PTPRN2: variants seen among roughly 807,000 people sequenced by gnomAD.
PTPRN2 encodes receptor-type tyrosine-protein phosphatase N2.
Under a neutral mutation model 118.8 loss-of-function variants are expected in PTPRN2, and 74 were observed. The observed-to-expected ratio is 0.62, with a 90% CI of 0.52 to 0.76. The LOEUF (loss-of-function observed/expected upper bound fraction) is 0.76, where lower values mean the gene tolerates loss of function less well. PTPRN2 is among the 30% of genes least tolerant of loss of function. The pLI, the probability that PTPRN2 is intolerant of heterozygous loss-of-function variation, is 0.00. For synonymous variants in PTPRN2, 641 were observed against 608.0 expected, an observed-to-expected ratio of 1.05 and a Z score of -0.80; for missense variants, 1,481 against 1,394.4, an observed-to-expected ratio of 1.06 and a Z score of -0.99.
intron 11 of PTPRN2, among the ~76,000 whole-genome samples, chr7:157,997,218 G>A (rs73520902): frequency 0.015 from 2,269 of 152,328 alleles, 60 homozygotes; most frequent in African/African-American, 0.051. Context: ...CTGCCTGGCG[G>A]CTCCATTTGC....
chr7:158,355,952 G>A (rs1040287379), intron 2 of PTPRN2, among the ~76,000 whole-genome samples: 32 of 152,156 alleles, frequency 2.1e-4, no homozygotes, highest in African/African-American at 6.0e-4. Flanking sequence ...GTGGTTCCAG[G>A]CGCCACCACC....
intron 6 of PTPRN2, among the ~76,000 whole-genome samples, chr7:158,139,032 C>T (rs1234184161): frequency 6.6e-6 from 1 of 152,104 alleles, no homozygotes; most frequent in Non-Finnish European, 1.5e-5. Flanking sequence ...CATCTAAACA[C>T]AGCCACACAG....
chr7:158,037,739 T>C (rs749386992), intron 11 of PTPRN2, among the ~76,000 whole-genome samples: 2 of 152,192 alleles, frequency 1.3e-5, no homozygotes, highest in Non-Finnish European at 2.9e-5. Flanking sequence ...AAAAACCCAA[T>C]CAGTCTTTTT....
At chr7:158,066,960 A>G (rs566742493) in intron 11 of PTPRN2, among the ~76,000 whole-genome samples, 8 of 152,316 alleles carry the variant, frequency 5.3e-5, no homozygotes, top group African/African-American at 1.9e-4. Flanking sequence ...CAATATCAGC[A>G]AATCCCACAA....
intron 2 of PTPRN2, among the ~76,000 whole-genome samples, chr7:158,473,213 T>C (rs1404535688): frequency 6.6e-6 from 1 of 152,198 alleles, no homozygotes; most frequent in South Asian, 2.1e-4. Context: ...CCTCCAATCC[T>C]GTTAGCAAAT....
intron 18 of PTPRN2, 32 bp from the exon 19 acceptor site, chr7:157,576,811 G>A (rs1255344156): frequency 6.5e-7 from 1 of 1,540,624 alleles, no homozygotes; most frequent in South Asian, 1.2e-5. Flanking sequence ...AGGGGACAGA[G>A]ACAGGTGTGG....
chr7:157,903,248 A>C lies in PTPRN2; in HGVS notation c.1724-4511T>G, dbSNP rs1157561809. ...ACAGCCATAGAGATGGGAACAACAGACACGTAAGAGGGAATGTGAGAGGGA... is the reference window on the plus strand; with the variant it reads ...ACAGCCATAGAGATGGGAACAACAGCCACGTAAGAGGGAATGTGAGAGGGA... On this transcript the variant is annotated intron_variant, in intron 11 of 22. Transcript: ENST00000389418. This position sits in a 1 kb window ranked among gnomAD's most constrained non-coding sequence, Gnocchi z 4.2. Among the ~76,000 whole-genome samples the C allele has an allele frequency of 6.6e-6, 1 of 152,048 alleles. No homozygotes were observed. Among genetic ancestry groups the C allele is most frequent in the Non-Finnish European group, 1.5e-5 (1 of 68,014 alleles).
chr7:158,008,080 T>C (rs1276549242), intron 11 of PTPRN2, among the ~76,000 whole-genome samples: 1 of 142,292 alleles, frequency 7.0e-6, no homozygotes, highest in Non-Finnish European at 1.5e-5. Flanking sequence ...GTGCTGTGTG[T>C]GGGTGTGGGT....
intron 10 of PTPRN2, among the ~76,000 whole-genome samples, chr7:158,089,712 T>A (rs1406796914): frequency 7.1e-5 from 9 of 126,814 alleles, no homozygotes; most frequent in African/African-American, 1.5e-4. Context: ...TTCACACACA[T>A]CCTTCCTCCC....
rs141519128 is a variant in PTPRN2 at position 158,192,390 on chromosome 7, G to A, written c.486C>T (p.Ser162=). 3.3e-6 allele frequency: 5 copies of A among 1,532,418 alleles called. No homozygotes were observed. In the African/African-American group the frequency reaches 5.8e-5, roughly 18 times the overall value. 94.9% of individuals were successfully genotyped at this position (1,532,418 alleles called of 1,614,324 possible). ...CGAGCACGTCTGAGGCTGGGGCCTGGGACAGGGCCTCCAGGAAGGGCAGGT... is the reference window on the plus strand; with the variant it reads ...CGAGCACGTCTGAGGCTGGGGCCTGAGACAGGGCCTCCAGGAAGGGCAGGT... ...RRHLPFLEAL[S]QAPASDVLAR... Residue 162 remains serine (S), a synonymous_variant, in exon 5 of 23, where the codon TCC becomes TCT. Coordinates refer to ENST00000389418, the MANE Select transcript of PTPRN2 (RefSeq NM_002847.5).
chr7:157,794,627 C>T lies in PTPRN2; in HGVS notation c.1788+104046G>A, dbSNP rs1191689686. Among the ~76,000 whole-genome samples the T allele has an allele frequency of 9.2e-5, 14 of 152,270 alleles. No homozygotes were observed. Among genetic ancestry groups the T allele is most frequent in the African/African-American group, 2.6e-4 (11 of 41,540 alleles). On this transcript the variant is annotated intron_variant, in intron 12 of 22. Transcript: ENST00000389418. The surrounding 1 kb of genome is among the most constrained non-coding windows in gnomAD (Gnocchi z 5.2). ...CGCCTCTGTGAACACCCACTAAAAC[C>T]GTAAGTGGGAAAAGTGGGTGCCTTC...
At chr7:157,793,248 G>A (rs1349681018) in intron 12 of PTPRN2, among the ~76,000 whole-genome samples, 1 of 152,156 alleles carries the variant, frequency 6.6e-6, no homozygotes, top group Non-Finnish European at 1.5e-5. Context: ...AAAGAATGTG[G>A]CAGATGAACA....
intron 11 of PTPRN2, among the ~76,000 whole-genome samples, chr7:158,004,103 A>G (rs7810987): frequency 0.043 from 6,542 of 152,204 alleles, 462 homozygotes; most frequent in African/African-American, 0.15. Context: ...GGTGATAGGA[A>G]AAGCAAAAAT....
chr7:157,691,983 A>G (rs527408889), intron 12 of PTPRN2, among the ~76,000 whole-genome samples: 1 of 152,090 alleles, frequency 6.6e-6, no homozygotes, highest in South Asian at 2.1e-4. Context: ...GAGAGCTGAA[A>G]CCCAACATCT....
chr7:157,620,374 C>T (rs1162821957), intron 15 of PTPRN2, among the ~76,000 whole-genome samples: 1 of 152,196 alleles, frequency 6.6e-6, no homozygotes, highest in Admixed American at 6.5e-5. Flanking sequence ...ACGAGAGTCA[C>T]TCGGAGAACT....
intron 11 of PTPRN2, among the ~76,000 whole-genome samples, chr7:157,970,300 A>T (rs963105161): frequency 2.0e-5 from 3 of 152,250 alleles, no homozygotes; most frequent in Admixed American, 1.3e-4. Flanking sequence ...ATCTGCAGGC[A>T]AATAGAAAGC....
At position 157,971,237 on chromosome 7, in the gene PTPRN2, G is replaced by A. The variant is rs139705243; in HGVS notation, c.1724-72500C>T. Among the ~76,000 whole-genome samples the A allele has an allele frequency of 5.9e-4, 90 of 152,248 alleles. 3 individuals are homozygous for A. The East Asian group carries it at 0.015, about 25-fold the overall frequency. ...TGAATATTTTTTGGAATGAATAAAT[G>A]CATTTTTGAAGCATCAGACCTTCAA... On this transcript the variant is annotated intron_variant, in intron 11 of 22. Coordinates refer to ENST00000389418, the MANE Select transcript of PTPRN2 (RefSeq NM_002847.5).
intron 1 of PTPRN2, among the ~76,000 whole-genome samples, chr7:158,583,986 C>T (rs1828780601): frequency 6.6e-6 from 1 of 152,226 alleles, no homozygotes; most frequent in African/African-American, 2.4e-5. Context: ...ACAAAGCCAG[C>T]AGAGTCCTGC....
intron 1 of PTPRN2, among the ~76,000 whole-genome samples, chr7:158,542,978 G>A (rs976609286): frequency 3.3e-5 from 5 of 152,306 alleles, no homozygotes; most frequent in East Asian, 1.9e-4. Flanking sequence ...CGTCCTCACC[G>A]CACCCCAAAG....
Sources: allele counts gnomAD v4.1 joint callset (sites outside exome capture counted in the v4.1 genomes callset), GRCh38; gene constraint gnomAD v4.1.1; non-coding constraint Gnocchi (gnomAD v3.1); transcripts MANE v1.5; gene names NCBI Gene and HGNC (gene_info 2026-07-23, HGNC 2026-07-21).